ERC1: variants seen among roughly 807,000 people sequenced by gnomAD.
ERC1 encodes the protein ELKS/RAB6-interacting/CAST family member 1.
A neutral mutation model predicts 132.0 loss-of-function variants in ERC1; 56 were observed. The ratio of observed to expected loss-of-function variants is 0.42; its 90% confidence interval spans 0.34 to 0.53. ERC1 has a LOEUF of 0.53. ERC1 is among the 20% of genes least tolerant of loss of function. The pLI, the probability that ERC1 is intolerant of heterozygous loss-of-function variation, is 0.03. For missense variants in ERC1, 1,202 were observed against 1,349.9 expected, an observed-to-expected ratio of 0.89 and a Z score of 1.72; for synonymous variants, 478 against 476.1, an observed-to-expected ratio of 1.00 and a Z score of -0.05.
intron 16 of ERC1, among the ~76,000 whole-genome samples, chr12:1,376,351 G>T (rs1482071622): frequency 1.3e-5 from 2 of 152,122 alleles, no homozygotes; most frequent in African/African-American, 4.8e-5. Flanking sequence ...TTAGGAAAAT[G>T]TCAACTCCCA....
At chr12:1,128,467 T>G (rs924841783) in intron 7 of ERC1, among the ~76,000 whole-genome samples, 5 of 152,178 alleles carry the variant, frequency 3.3e-5, no homozygotes, top group Non-Finnish European at 1.5e-5. Flanking sequence ...GCTCCTGGAC[T>G]CAAGTGATCC....
At chr12:1,262,450 T>C (rs976999416) in intron 13 of ERC1, among the ~76,000 whole-genome samples, 1 of 152,254 alleles carries the variant, frequency 6.6e-6, no homozygotes, top group African/African-American at 2.4e-5. Flanking sequence ...CGGTCACTTA[T>C]ATCCAGTTGT....
At chr12:1,483,680 T>C in intron 18 of ERC1, among the ~76,000 whole-genome samples, 1 of 46,048 alleles carries the variant, frequency 2.2e-5, no homozygotes, top group African/African-American at 1.4e-4. Context: ...TTTTTTTTTT[T>C]TTTTTTTTTT....
At chr12:1,157,608 T>G (rs189328019) in intron 8 of ERC1, among the ~76,000 whole-genome samples, 84 of 152,338 alleles carry the variant, frequency 5.5e-4, no homozygotes, top group Non-Finnish European at 1.0e-3. Context: ...TTGCAGGAAT[T>G]TCTCACTCTT....
chr12:1,348,236 A>C (rs750390590), intron 15 of ERC1, among the ~76,000 whole-genome samples: 6 of 152,226 alleles, frequency 3.9e-5, no homozygotes, highest in Non-Finnish European at 7.3e-5. Context: ...AGTGAACCAG[A>C]CGTCTTTAAG....
At chr12:1,286,531 A>C (rs2079056068) in intron 14 of ERC1, among the ~76,000 whole-genome samples, 1 of 152,188 alleles carries the variant, frequency 6.6e-6, no homozygotes, top group Non-Finnish European at 1.5e-5. Context: ...AAAGATAGGA[A>C]TAAAATAGAA....
At chr12:1,369,437 T>C (rs1445134248) in intron 15 of ERC1, among the ~76,000 whole-genome samples, 1 of 152,240 alleles carries the variant, frequency 6.6e-6, no homozygotes, top group Admixed American at 6.5e-5. Flanking sequence ...AAGGTGCTGG[T>C]ATTTCAATCT....
chr12:1,393,300 C>G (rs2090135171), intron 16 of ERC1, among the ~76,000 whole-genome samples: 1 of 152,134 alleles, frequency 6.6e-6, no homozygotes, highest in Admixed American at 6.5e-5. Context: ...AACTGAAAGG[C>G]AAGAGGATCA....
At chr12:1,106,343 C>G (rs573781502) in intron 4 of ERC1, among the ~76,000 whole-genome samples, 37 of 152,320 alleles carry the variant, frequency 2.4e-4, no homozygotes, top group Admixed American at 7.2e-4. Context: ...GACCTCCCCC[C>G]ACAACTACTT....
At chr12:1,069,061 A>G (rs1293303673) in intron 2 of ERC1, among the ~76,000 whole-genome samples, 3 of 152,176 alleles carry the variant, frequency 2.0e-5, no homozygotes, top group African/African-American at 7.2e-5. Context: ...CCTGTCTCAG[A>G]ATGAAGTGAG....
chr12:1,012,694 T>A (rs1170171135), intron 1 of ERC1, among the ~76,000 whole-genome samples: 1 of 152,100 alleles, frequency 6.6e-6, no homozygotes, highest in Non-Finnish European at 1.5e-5. Flanking sequence ...GACCTCGTGG[T>A]CTGCCTGCCT....
At chr12:1,210,254 A>G (rs1216252751) in intron 12 of ERC1, among the ~76,000 whole-genome samples, 2 of 152,070 alleles carry the variant, frequency 1.3e-5, no homozygotes, top group African/African-American at 4.8e-5. Context: ...AGAATTTGAG[A>G]TTGTGCTTTG....
chr12:1,400,731 T>C (rs1392710631), intron 16 of ERC1, among the ~76,000 whole-genome samples: 1 of 152,084 alleles, frequency 6.6e-6, no homozygotes, highest in Non-Finnish European at 1.5e-5. Flanking sequence ...TGGAAATCAG[T>C]TGACCATAAA....
At chr12:990,317 C>T (rs1399117040), upstream of ERC1, 1 of 152,014 alleles carries the variant, frequency 6.6e-6, no homozygotes, top group Non-Finnish European at 1.5e-5. Context: ...TTATCTACAT[C>T]CTTAAATTAA....
intron 1 of ERC1, among the ~76,000 whole-genome samples, chr12:1,024,844 A>G (rs980443207): frequency 1.1e-4 from 17 of 148,570 alleles, no homozygotes; most frequent in African/African-American, 4.2e-4. Context: ...AAAAAGTGGA[A>G]AAAAAAAAAA....
intron 7 of ERC1, among the ~76,000 whole-genome samples, chr12:1,137,071 C>T (rs77773314): frequency 1.4e-5 from 2 of 142,736 alleles, no homozygotes; most frequent in South Asian, 2.3e-4. Context: ...GTTCTTTTTT[C>T]TTTTTCTTTT....
intron 2 of ERC1, among the ~76,000 whole-genome samples, chr12:1,059,548 A>G (rs779294160): frequency 6.6e-6 from 1 of 152,172 alleles, no homozygotes; most frequent in Non-Finnish European, 1.5e-5. Flanking sequence ...TCAGGAAGGT[A>G]TGTTGAATTT....
chr12:1,236,811 C>T lies in ERC1; in HGVS notation c.2394C>T (p.His798=). The T allele has an allele frequency of 6.2e-7, 1 of 1,613,828 alleles. No individual in the cohort carries two copies. Among genetic ancestry groups the T allele is most frequent in the Non-Finnish European group, 8.5e-7 (1 of 1,179,918 alleles). Residue 798 remains histidine (H), a synonymous_variant, in exon 13 of 19, where the codon CAC becomes CAT. Transcript: ENST00000360905. Reference sequence around the variant, plus strand: ...ATAAGAAGGTAGCAAATCTGAAGCACAAGGAACAGGTGGAAAAAAAGAAGA... The same window carrying T: ...ATAAGAAGGTAGCAAATCTGAAGCATAAGGAACAGGTGGAAAAAAAGAAGA... The part of the protein sequence containing the change: ...DQNKKVANLK[H]KEQVEKKKSA...
At chr12:1,420,642 A>C (rs1425905776) in intron 17 of ERC1, among the ~76,000 whole-genome samples, 1 of 151,952 alleles carries the variant, frequency 6.6e-6, no homozygotes, top group African/African-American at 2.4e-5. Flanking sequence ...TTTTTAGTAG[A>C]GATGGGGCTT....
Sources: gnomAD v4.1 joint callset for allele counts (sites outside exome capture counted in the v4.1 genomes callset) on GRCh38, gnomAD v4.1.1 for gene constraint, MANE v1.5 for transcripts, NCBI Gene and HGNC (gene_info 2026-07-23, HGNC 2026-07-21) for gene names.